ITCH: variants seen among roughly 807,000 people sequenced by gnomAD.
ITCH encodes itchy E3 ubiquitin protein ligase.
ITCH carries 28 observed loss-of-function variants against 126.8 expected under a neutral mutation model. That is an observed-to-expected ratio of 0.22 (90% CI 0.16 to 0.30). The LOEUF is 0.30. Among genes scored for constraint, ITCH ranks in the 10% least tolerant of loss-of-function variants. ITCH has a pLI of 1.00. For missense variants in ITCH, 631 were observed against 1,032.4 expected (o/e 0.61, Z 5.33); for synonymous variants, 342 against 340.0 (o/e 1.01, Z -0.06).
chr20:34,485,688 A>G (rs1030782998), intron 20 of ITCH, among the ~76,000 whole-genome samples: 1 of 151,042 alleles, frequency 6.6e-6, no homozygotes, highest in Admixed American at 6.6e-5. Flanking sequence ...ATACGTCTAG[A>G]TTTCGTTCTT....
In ITCH at chr20:34,414,483, T is replaced by TA. The variant is rs1348156528; in HGVS notation, c.475+606dup. The stretch of plus-strand genomic sequence containing the variant: ...TTTTTTTTTTTTTTTTTTTTTTTTT[T>TA]AAGACGGAGTTTTGCTCTTGTTATC... On this transcript the variant is annotated intron_variant, in intron 6 of 24. Transcript: ENST00000374864. Among the ~76,000 whole-genome samples, 120 of 114,256 alleles carry TA rather than the reference T, an allele frequency of 1.1e-3. 1 individual carries two copies. The highest frequency in any genetic ancestry group is 9.3e-3 in the Middle Eastern group (2 of 214). The allele number at this position is 114,256 out of a possible 152,430, so 75.0% of individuals were successfully genotyped here. A position where few individuals can be genotyped will look rare whatever the true frequency, so the allele number is the denominator to read the frequency against.
chr20:34,430,820 G>A (rs1236534077), intron 7 of ITCH, among the ~76,000 whole-genome samples: 2 of 152,156 alleles, frequency 1.3e-5, no homozygotes, highest in Non-Finnish European at 2.9e-5. Context: ...AACTCTGTAG[G>A]AAAAAATATT....
At chr20:34,420,754 T>G (rs1980651822) in intron 6 of ITCH, among the ~76,000 whole-genome samples, 1 of 152,204 alleles carries the variant, frequency 6.6e-6, no homozygotes, top group Admixed American at 6.5e-5. Flanking sequence ...TGTCTCTTCC[T>G]CATTGAGGTT....
intron 7 of ITCH, among the ~76,000 whole-genome samples, chr20:34,437,284 T>A (rs938322479): frequency 1.3e-5 from 2 of 152,052 alleles, no homozygotes; most frequent in African/African-American, 4.8e-5. Flanking sequence ...AGAAAAAAAA[T>A]TTAATACATG....
chr20:34,495,267 AAAATAAATAAAT>A (rs71194612), intron 23 of ITCH, among the ~76,000 whole-genome samples: 24 of 140,750 alleles, frequency 1.7e-4, no homozygotes, highest in Middle Eastern at 3.6e-3. Flanking sequence ...CTCCAACTCA[AAAATAAATAAAT>A]AAATAAATAA....
chr20:34,475,563 G>A (rs1988125224), intron 16 of ITCH, among the ~76,000 whole-genome samples: 3 of 152,190 alleles, frequency 2.0e-5, no homozygotes, highest in Non-Finnish European at 4.4e-5. Flanking sequence ...GCTGAGGCAG[G>A]AGAATCAGGC....
At chr20:34,495,097 C>CTAAA (rs1397363137) in intron 23 of ITCH, among the ~76,000 whole-genome samples, 2 of 110,382 alleles carry the variant, frequency 1.8e-5, no homozygotes, top group African/African-American at 7.0e-5. Context: ...ACGAAAAATA[C>CTAAA]AAAAAAAAAA....
chr20:34,440,180 C>T lies in ITCH; in HGVS notation c.705C>T (p.Ala235=). 1.2e-6 allele frequency: 2 copies of T among 1,613,312 alleles called. No homozygotes were observed. The highest frequency in any genetic ancestry group is 1.7e-6 in the Non-Finnish European group (2 of 1,179,272). The change falls in exon 9 of 25, where the codon GCC becomes GCT. Residue 235 remains alanine (A), a synonymous_variant. Coordinates refer to ENST00000374864, the MANE Select transcript of ITCH (RefSeq NM_031483.7). ...RPASVNGSPS[A]TSESDGSSTG... ...CATCTGTCAATGGTTCACCATCTGCCACTTCTGAAAGTGATGGGTCTAGTA... is the reference window on the plus strand; with the variant it reads ...CATCTGTCAATGGTTCACCATCTGCTACTTCTGAAAGTGATGGGTCTAGTA...
At chr20:34,445,611 G>T in intron 11 of ITCH, 150 bp downstream of exon 11, 1 of 697,766 alleles carries the variant, frequency 1.4e-6, no homozygotes, top group Non-Finnish European at 2.4e-6. Flanking sequence ...ACCTTGTCTG[G>T]GGTATTCTGT....
At position 34,440,155 on chromosome 20, in the gene ITCH, C is replaced by T. The variant is rs776638717; in HGVS notation, c.680C>T (p.Ala227Val). ...CCTATTTTCCCCAAATCTTTTATAG[C>T]ATCTGTCAATGGTTCACCATCTGCC... Reference protein sequence around the residue: ...RPPPPTPRRPASVNGSPSATS... With the variant: ...RPPPPTPRRPVSVNGSPSATS... Residue 227 changes from alanine to valine, a missense_variant and splice_region_variant, in exon 9 of 25, where the codon GCA becomes GTA. Ala to Val is a moderately conservative substitution (Grantham distance 64, BLOSUM62 0). Transcript: ENST00000374864. 2 of 1,605,118 alleles carry T rather than the reference C, an allele frequency of 1.2e-6. No individual in the cohort carries two copies. The highest frequency in any genetic ancestry group is 1.7e-5 in the Admixed American group (1 of 59,960).
intron 23 of ITCH, among the ~76,000 whole-genome samples, chr20:34,499,607 A>T (rs1600504914): frequency 1.6e-5 from 2 of 123,134 alleles, no homozygotes; most frequent in Non-Finnish European, 1.7e-5. Context: ...ATGGTTTGTC[A>T]ATTTTGTTTA....
At chr20:34,408,388 T>C (rs1176186771) in intron 3 of ITCH, among the ~76,000 whole-genome samples, 1 of 152,220 alleles carries the variant, frequency 6.6e-6, no homozygotes, top group Non-Finnish European at 1.5e-5. Context: ...TGTGTACTTT[T>C]TAATTGATCT....
At chr20:34,445,535 G>C in intron 11 of ITCH, 74 bp downstream of exon 11, 1 of 1,477,678 alleles carries the variant, frequency 6.8e-7, no homozygotes, top group Non-Finnish European at 9.4e-7. Flanking sequence ...GTCATGGAAA[G>C]CACTAAAAAG....
chr20:34,471,565 C>T lies in ITCH; in HGVS notation c.1569+50C>T, dbSNP rs751442377. On this transcript the variant is annotated intron_variant, in intron 16 of 24. Coordinates refer to ENST00000374864, the MANE Select transcript of ITCH (RefSeq NM_031483.7). ...TTCCCCCCTGGCTGCTAGCTTAGGA[C>T]CCGCTTTTGGTGCTGTCAGTTTAAT... 3.4e-5 allele frequency: 39 copies of T among 1,157,532 alleles called. No homozygotes were observed. In the Middle Eastern group the frequency reaches 1.3e-3, roughly 40 times the overall value. 71.7% of individuals were successfully genotyped at this position (1,157,532 alleles called of 1,614,324 possible).
intron 11 of ITCH, 35 bp downstream of exon 11, chr20:34,445,496 T>A: frequency 1.2e-6 from 2 of 1,603,198 alleles, no homozygotes; most frequent in Non-Finnish European, 1.7e-6. Context: ...CTAATAAGAG[T>A]ATTTTGTTTC....
chr20:34,370,347 G>A (rs2037575384), intron 2 of ITCH, among the ~76,000 whole-genome samples: 1 of 151,976 alleles, frequency 6.6e-6, no homozygotes, highest in African/African-American at 2.4e-5. Context: ...TTTAGAAAAG[G>A]AAATGAATTC....
chr20:34,472,372 TAAAAAA>T (rs527802058), intron 16 of ITCH, among the ~76,000 whole-genome samples: 2 of 79,704 alleles, frequency 2.5e-5, no homozygotes, highest in African/African-American at 4.4e-5. Context: ...CATCTCAATT[TAAAAAA>T]AAAAAAAAAA....
intron 2 of ITCH, among the ~76,000 whole-genome samples, chr20:34,388,646 C>G (rs1004132093): frequency 1.3e-5 from 2 of 152,192 alleles, no homozygotes; most frequent in African/African-American, 4.8e-5. Context: ...AAAGTTTTCT[C>G]TAACTCCTCA....
At chr20:34,432,338 A>G (rs2146255820) in intron 7 of ITCH, among the ~76,000 whole-genome samples, 1 of 152,298 alleles carries the variant, frequency 6.6e-6, no homozygotes, top group South Asian at 2.1e-4. Context: ...AAAATGTATT[A>G]TCAAAAGCAA....
Sources: allele counts gnomAD v4.1 joint callset (sites outside exome capture counted in the v4.1 genomes callset), GRCh38; gene constraint gnomAD v4.1.1; transcripts MANE v1.5; gene names NCBI Gene and HGNC (gene_info 2026-07-23, HGNC 2026-07-21).